The following PRKAR2A variants were observed in gnomAD, a reference collection of about 807,000 sequenced individuals.
PRKAR2A encodes the protein cAMP-dependent protein kinase type II-alpha regulatory subunit.
A neutral mutation model predicts 51.9 loss-of-function variants in PRKAR2A; 29 were observed. The observed-to-expected ratio is 0.56, with a 90% CI of 0.42 to 0.76. The LOEUF is 0.76. PRKAR2A is among the 30% of genes least tolerant of loss of function. The pLI, the probability that PRKAR2A is intolerant of heterozygous loss-of-function variation, is 0.00. For missense variants in PRKAR2A, 445 were observed against 512.1 expected, an observed-to-expected ratio of 0.87 and a Z score of 1.26; for synonymous variants, 178 against 186.2, an observed-to-expected ratio of 0.96 and a Z score of 0.36.
Position 48,750,890 on chromosome 3 carries a change from T to A in PRKAR2A, c.*695A>T, listed in dbSNP as rs1221692731. 1.3e-5 allele frequency: 2 copies of A among 154,364 alleles called. No individual in the cohort carries two copies. The highest frequency in any genetic ancestry group is 4.8e-5 in the African/African-American group (2 of 41,478). 9.6% of individuals were successfully genotyped at this position (154,364 alleles called of 1,614,324 possible). On this transcript the variant is annotated 3_prime_UTR_variant, in exon 11 of 11. Transcript: ENST00000265563. ...CAGTAAAATGTGCTGAGCCCAAATTTTCTGCTCTAACATGGGTCCCACGGA... is the reference window on the plus strand; with the variant it reads ...CAGTAAAATGTGCTGAGCCCAAATTATCTGCTCTAACATGGGTCCCACGGA...
At chr3:48,795,349 A>C (rs990581614) in intron 2 of PRKAR2A, among the ~76,000 whole-genome samples, 1 of 152,118 alleles carries the variant, frequency 6.6e-6, no homozygotes, top group Non-Finnish European at 1.5e-5. Flanking sequence ...AATTAGATAG[A>C]TAAGAAGGAC....
chr3:48,812,683 C>G (rs1157422767), intron 1 of PRKAR2A, among the ~76,000 whole-genome samples: 1 of 152,080 alleles, frequency 6.6e-6, no homozygotes, highest in Non-Finnish European at 1.5e-5. Flanking sequence ...GGGGTTTCAC[C>G]GTGTTAGCCA....
intron 2 of PRKAR2A, among the ~76,000 whole-genome samples, chr3:48,801,864 G>A (rs959673097): frequency 6.6e-6 from 1 of 152,178 alleles, no homozygotes; most frequent in Non-Finnish European, 1.5e-5. Flanking sequence ...AGCCTCCCAA[G>A]AAGCTGGGAT....
chr3:48,828,771 T>G (rs1199411990), intron 1 of PRKAR2A, among the ~76,000 whole-genome samples: 2 of 150,390 alleles, frequency 1.3e-5, no homozygotes, highest in Non-Finnish European at 3.0e-5. Context: ...CCTTTAAGCC[T>G]TTTTTTTATT....
chr3:48,790,749 A>C, intron 3 of PRKAR2A, 122 bp from the exon 4 acceptor site: 1 of 579,858 alleles, frequency 1.7e-6, no homozygotes, highest in Non-Finnish European at 2.7e-6. Context: ...CTGTTATTTT[A>C]ATTTTACATA....
chr3:48,830,768 C>A (rs989105798), intron 1 of PRKAR2A, among the ~76,000 whole-genome samples: 3 of 152,140 alleles, frequency 2.0e-5, no homozygotes, highest in Non-Finnish European at 4.4e-5. Context: ...GAGCCCTGAG[C>A]TCAACTGGAC....
chr3:48,774,192 T>C (rs1575859135), intron 5 of PRKAR2A, among the ~76,000 whole-genome samples: 1 of 152,010 alleles, frequency 6.6e-6, no homozygotes, highest in Non-Finnish European at 1.5e-5. Flanking sequence ...TACATGTGAG[T>C]GTTTGTTGCA....
At chr3:48,745,840 G>A (rs2081556866), downstream of PRKAR2A, among the ~76,000 whole-genome samples, 2 of 151,998 alleles carry the variant, frequency 1.3e-5, no homozygotes, top group African/African-American at 2.4e-5. Context: ...TGCCCAGCCT[G>A]GATAAGATTA....
intron 3 of PRKAR2A, among the ~76,000 whole-genome samples, chr3:48,792,502 C>T (rs2082407299): frequency 7.6e-6 from 1 of 131,124 alleles, no homozygotes; most frequent in Admixed American, 8.3e-5. Context: ...CACTCTGTCA[C>T]CCAGGCTGGA....
At chr3:48,812,712 G>A (rs776808160) in intron 1 of PRKAR2A, among the ~76,000 whole-genome samples, 2 of 152,162 alleles carry the variant, frequency 1.3e-5, no homozygotes, top group Non-Finnish European at 2.9e-5. Flanking sequence ...TCAATCTCCT[G>A]ACCTTGTGAT....
intron 6 of PRKAR2A, among the ~76,000 whole-genome samples, chr3:48,768,843 A>T (rs2081979378): frequency 6.6e-6 from 1 of 152,132 alleles, no homozygotes; most frequent in Middle Eastern, 3.4e-3. Context: ...TCACGCCTGT[A>T]ATCCCAGCAC....
chr3:48,769,157 CTT>C (rs200382765), intron 6 of PRKAR2A, among the ~76,000 whole-genome samples: 1 of 136,282 alleles, frequency 7.3e-6, no homozygotes, highest in African/African-American at 2.8e-5. Flanking sequence ...AAATATCTTT[CTT>C]TTTTTTTTTC....
chr3:48,761,066 G>C lies in PRKAR2A; in HGVS notation c.873+3938C>G, dbSNP rs570780616. On this transcript the variant is annotated intron_variant, in intron 8 of 10. Coordinates refer to ENST00000265563, the MANE Select transcript of PRKAR2A (RefSeq NM_004157.4). ...TGGGAGGCAGAGGAAGGAGGATCAC[G>C]AGGTCAGGAGACTGAGACCATGCTG... Among the ~76,000 whole-genome samples the C allele has an allele frequency of 1.8e-4, 27 of 152,120 alleles. 1 individual carries two copies. The South Asian group carries it at 4.8e-3, about 27-fold the overall frequency.
chr3:48,751,596 G>A lies in PRKAR2A; in HGVS notation c.1204C>T (p.Leu402Phe). 1 of 1,612,428 alleles carries A rather than the reference G, an allele frequency of 6.2e-7. No individual in the cohort carries two copies. Among genetic ancestry groups the A allele is most frequent in the Middle Eastern group, 1.8e-4 (1 of 5,534 alleles). The change falls in exon 11 of 11, where the codon CTC becomes TTC. Residue 402 changes from leucine to phenylalanine, a missense_variant. Physicochemically the swap from Leu to Phe is conservative, Grantham distance 22. Transcript: ENST00000265563. ...GGGGTGTGGCACACCTACTGCCCGA[G>A]GTTGCCCAGATCCACGCTGGAGCCA... ...MFGSSVDLGN[L>F]GQ
At chr3:48,831,232 GCTCTATTATA>G (rs1379240935) in intron 1 of PRKAR2A, among the ~76,000 whole-genome samples, 1 of 152,096 alleles carries the variant, frequency 6.6e-6, no homozygotes. Flanking sequence ...GAATTTTTTA[GCTCTATTATA>G]CTCAGGGGAT....
chr3:48,766,405 A>G (rs2081943088), intron 6 of PRKAR2A, among the ~76,000 whole-genome samples: 1 of 151,588 alleles, frequency 6.6e-6, no homozygotes, highest in African/African-American at 2.4e-5. Context: ...CCATCTCTAC[A>G]GAAAATACAA....
At chr3:48,826,137 G>A (rs988491159) in intron 1 of PRKAR2A, among the ~76,000 whole-genome samples, 11 of 152,100 alleles carry the variant, frequency 7.2e-5, no homozygotes, top group Admixed American at 3.9e-4. Flanking sequence ...GTGGTGCCAC[G>A]CACCTCTGGT....
At chr3:48,813,353 T>A (rs1205726310) in intron 1 of PRKAR2A, among the ~76,000 whole-genome samples, 3 of 151,752 alleles carry the variant, frequency 2.0e-5, no homozygotes, top group East Asian at 3.9e-4. Context: ...CAGTGAGCTA[T>A]CATCAAGCCA....
At chr3:48,758,687 A>G (rs1044815656) in intron 8 of PRKAR2A, among the ~76,000 whole-genome samples, 30 of 152,206 alleles carry the variant, frequency 2.0e-4, no homozygotes, top group African/African-American at 7.2e-4. Flanking sequence ...GAGAATGAAC[A>G]GGGGAGCTCA....
Sources: gnomAD v4.1 joint callset for allele counts (sites outside exome capture counted in the v4.1 genomes callset) on GRCh38, gnomAD v4.1.1 for gene constraint, MANE v1.5 for transcripts, NCBI Gene and HGNC (gene_info 2026-07-23, HGNC 2026-07-21) for gene names.